The following ELOVL4 variants were observed in gnomAD, a reference collection of about 807,000 sequenced individuals.
The protein encoded by ELOVL4 is ELOVL fatty acid elongase 4, also known as very long chain fatty acid elongase 4.
ELOVL4 carries 18 observed loss-of-function variants against 42.1 expected under a neutral mutation model. The ratio of observed to expected loss-of-function variants is 0.43; its 90% CI spans 0.30 to 0.63. The LOEUF (loss-of-function observed/expected upper bound fraction) is 0.63. Among genes scored for constraint, ELOVL4 ranks in the 30% least tolerant of loss-of-function variants. ELOVL4 has a pLI of 0.15. For synonymous variants in ELOVL4, 117 were observed against 127.0 expected, an observed-to-expected ratio of 0.92 and a Z score of 0.53; for missense variants, 299 against 376.2, an observed-to-expected ratio of 0.79 and a Z score of 1.70.
chr6:79,947,154 G>A (rs765813608), intron 1 of ELOVL4, 26 bp downstream of exon 1: 9 of 1,593,222 alleles, frequency 5.6e-6, no homozygotes, highest in African/African-American at 2.7e-5. Context: ...GGGACCGAGC[G>A]AGGATGGGGA....
intron 1 of ELOVL4, among the ~76,000 whole-genome samples, chr6:79,941,334 C>T (rs1297580323): frequency 6.6e-6 from 1 of 152,162 alleles, no homozygotes; most frequent in Non-Finnish European, 1.5e-5. Flanking sequence ...TCATCTAAAT[C>T]CCAGTCCAGA....
At chr6:79,945,593 G>A (rs1276932229) in intron 1 of ELOVL4, among the ~76,000 whole-genome samples, 1 of 152,100 alleles carries the variant, frequency 6.6e-6, no homozygotes, top group Non-Finnish European at 1.5e-5. Flanking sequence ...GGAGACTGGA[G>A]TATCTCAACA....
chr6:79,934,648 A>G (rs746091330), intron 1 of ELOVL4, among the ~76,000 whole-genome samples: 2 of 152,106 alleles, frequency 1.3e-5, no homozygotes, highest in Admixed American at 6.5e-5. Flanking sequence ...TATATTCTGA[A>G]TATGGACTCT....
intron 3 of ELOVL4, among the ~76,000 whole-genome samples, chr6:79,924,588 C>T (rs551211093): frequency 6.6e-6 from 1 of 152,156 alleles, no homozygotes; most frequent in African/African-American, 2.4e-5. Context: ...GTAATCTCAG[C>T]ACTTTGGGAG....
chr6:79,945,441 T>A (rs1285390326), intron 1 of ELOVL4, among the ~76,000 whole-genome samples: 5 of 152,206 alleles, frequency 3.3e-5, no homozygotes, highest in Admixed American at 3.3e-4. Context: ...ACAAACATCA[T>A]CAGGAAGGAA....
intron 5 of ELOVL4, among the ~76,000 whole-genome samples, chr6:79,918,370 C>A (rs977075340): frequency 6.6e-6 from 1 of 152,124 alleles, no homozygotes; most frequent in African/African-American, 2.4e-5. Context: ...TAGGCTCCAA[C>A]AAACCAGATA....
At chr6:79,931,018 G>A (rs182133218) in intron 1 of ELOVL4, among the ~76,000 whole-genome samples, 59 of 152,118 alleles carry the variant, frequency 3.9e-4, no homozygotes, top group African/African-American at 9.9e-4. Context: ...AAACCCTGTC[G>A]CCAAATAGTA....
At chr6:79,920,892 G>GC (rs2127698314) in intron 4 of ELOVL4, among the ~76,000 whole-genome samples, 1 of 152,258 alleles carries the variant, frequency 6.6e-6, no homozygotes, top group South Asian at 2.1e-4. Context: ...TGCTCAAAAA[G>GC]TTTTGAATTT....
chr6:79,921,348 C>T (rs921431657), intron 4 of ELOVL4, among the ~76,000 whole-genome samples: 3 of 149,598 alleles, frequency 2.0e-5, no homozygotes, highest in African/African-American at 7.4e-5. Context: ...GTAGTCCCAG[C>T]TACTCAGGAG....
intron 1 of ELOVL4, 54 bp downstream of exon 1, chr6:79,947,126 G>A (rs1774760164): frequency 1.4e-6 from 2 of 1,440,800 alleles, no homozygotes; most frequent in Non-Finnish European, 1.9e-6. Flanking sequence ...GAGACCAGGG[G>A]CCGGTGACCC....
chr6:79,943,699 C>T (rs1162629899), intron 1 of ELOVL4, among the ~76,000 whole-genome samples: 1 of 152,132 alleles, frequency 6.6e-6, no homozygotes, highest in Non-Finnish European at 1.5e-5. Context: ...GACCAAGTGT[C>T]CTCCTTTCCT....
chr6:79,926,019 C>T (rs908562101), intron 2 of ELOVL4, among the ~76,000 whole-genome samples, 175 bp downstream of exon 2: 1 of 152,132 alleles, frequency 6.6e-6, no homozygotes, highest in African/African-American at 2.4e-5. Flanking sequence ...AAACAACTTT[C>T]CTATACCTCA....
In ELOVL4 at chr6:79,924,986, C is replaced by A. The variant is rs777776737; in HGVS notation, c.335G>T (p.Ser112Ile). The change falls in exon 3 of 6, where the codon AGT (serine) becomes ATT (isoleucine). Residue 112 changes from serine (S) to isoleucine (I), a missense_variant. Ser to Ile is a moderately radical substitution (Grantham distance 142). Transcript: ENST00000369816. ...ATGAACATTATTAGAATAATCCACA[C>A]TCTGGCAAATATAGCTATATCCCGC... ...YNAGYSYICQ[S>I]VDYSNNVHEV... 2.5e-6 allele frequency: 4 copies of A among 1,606,938 alleles called. No homozygotes were observed. The South Asian group carries it at 4.4e-5, about 18-fold the overall frequency.
At chr6:79,917,191 T>C (rs1774177871) in intron 5 of ELOVL4, among the ~76,000 whole-genome samples, 1 of 152,166 alleles carries the variant, frequency 6.6e-6, no homozygotes, top group African/African-American at 2.4e-5. Context: ...TATTTCTTTA[T>C]TGCCTATCTT....
intron 1 of ELOVL4, among the ~76,000 whole-genome samples, chr6:79,933,385 A>C (rs954577863): frequency 7.2e-5 from 11 of 152,014 alleles, no homozygotes; most frequent in Admixed American, 1.3e-4. Context: ...TGCATGCCAC[A>C]ACACCCAGCT....
Position 79,947,369 on chromosome 6 carries a change from C to A in ELOVL4, c.-90G>T, listed in dbSNP as rs62407622. 5.9e-6 allele frequency: 6 copies of A among 1,024,684 alleles called. No individual in the cohort carries two copies. The highest frequency in any genetic ancestry group is 7.4e-6 in the Non-Finnish European group (5 of 677,852). The allele number at this position is 1,024,684 out of a possible 1,614,324, so 63.5% of individuals were successfully genotyped here. ...AGGCGGTGGCGGCCGACGGGGCGAG[C>A]GGCGGCCGGGAACCCCTCTAACGGC... On this transcript the variant is annotated 5_prime_UTR_variant, in exon 1 of 6. Coordinates refer to ENST00000369816, the MANE Select transcript of ELOVL4 (RefSeq NM_022726.4).
chr6:79,943,214 T>C (rs1774675714), intron 1 of ELOVL4, among the ~76,000 whole-genome samples: 1 of 152,134 alleles, frequency 6.6e-6, no homozygotes, highest in Non-Finnish European at 1.5e-5. Context: ...AAATACATGC[T>C]CCTCTGGGAC....
At chr6:79,918,801 G>A (rs143440783) in intron 5 of ELOVL4, among the ~76,000 whole-genome samples, 216 of 152,230 alleles carry the variant, frequency 1.4e-3, no homozygotes, top group African/African-American at 4.5e-3. Flanking sequence ...TCTTACTAGC[G>A]GGATGTGCTG....
intron 1 of ELOVL4, 51 bp from the exon 2 acceptor site, chr6:79,926,432 T>C (rs752960005): frequency 7.8e-5 from 120 of 1,538,190 alleles, no homozygotes; most frequent in Non-Finnish European, 9.5e-5. Flanking sequence ...AAATGTTTTA[T>C]AAAATACACT....
Sources: gnomAD v4.1 joint callset for allele counts (sites outside exome capture counted in the v4.1 genomes callset) on GRCh38, gnomAD v4.1.1 for gene constraint, MANE v1.5 for transcripts, NCBI Gene and HGNC (gene_info 2026-07-23, HGNC 2026-07-21) for gene names.